SLC7A8: variants seen among roughly 807,000 people sequenced by gnomAD.
The protein encoded by SLC7A8 is large neutral amino acids transporter small subunit 2.
Under a neutral mutation model 51.2 loss-of-function variants are expected in SLC7A8, and 30 were observed. The ratio of observed to expected loss-of-function variants is 0.59; its 90% CI spans 0.44 to 0.80. SLC7A8 has a LOEUF of 0.80. SLC7A8 is among the 30% of genes least tolerant of loss of function. SLC7A8 has a pLI of 0.00. For synonymous variants in SLC7A8, 257 were observed against 275.8 expected, an observed-to-expected ratio of 0.93 and a Z score of 0.67; for missense variants, 612 against 674.4, an observed-to-expected ratio of 0.91 and a Z score of 1.03.
chr14:23,180,185 T>C (rs8017084), intron 1 of SLC7A8, among the ~76,000 whole-genome samples: 149,368 of 152,124 alleles, frequency 0.98, 73,383 homozygotes, highest in Middle Eastern at 1. Flanking sequence ...GGATTACAGG[T>C]GTGAGCCACC....
Position 23,127,329 on chromosome 14 carries a change from C to T in SLC7A8, c.1456G>A (p.Val486Met), listed in dbSNP as rs1189252339. The change falls in exon 11 of 11, where the codon GTG becomes ATG. Residue 486 changes from valine (V) to methionine (M), a missense_variant. By Grantham distance (21) the Val-to-Met change is conservative. Transcript: ENST00000316902. ...ACGACCACACACATCTTCTGGCTCA[C>T]CAGGGTTAGCAGCTCTGTAGGAAGA... The part of the protein sequence containing the change: ...FSDFIELLTL[V>M]SQKMCVVVYP... 1 of 1,613,946 alleles carries T rather than the reference C, an allele frequency of 6.2e-7. No individual in the cohort carries two copies. The highest frequency in any genetic ancestry group is 1.3e-5 in the African/African-American group (1 of 74,934).
At chr14:23,143,586 T>C (rs1222286943) in intron 3 of SLC7A8, among the ~76,000 whole-genome samples, 1 of 152,226 alleles carries the variant, frequency 6.6e-6, no homozygotes, top group African/African-American at 2.4e-5. Context: ...GCCACCTTCC[T>C]GAGCCTGATT....
chr14:23,136,568 G>C (rs567676728), intron 7 of SLC7A8, among the ~76,000 whole-genome samples: 1 of 152,312 alleles, frequency 6.6e-6, no homozygotes, highest in African/African-American at 2.4e-5. Context: ...GAGAGATAAA[G>C]AAGGAGGGAA....
intron 3 of SLC7A8, among the ~76,000 whole-genome samples, chr14:23,161,148 G>T (rs1403088680): frequency 6.6e-6 from 1 of 151,912 alleles, no homozygotes; most frequent in Non-Finnish European, 1.5e-5. Context: ...GATCCGGCAG[G>T]CAAGCCAGTT....
rs542497334 is a variant in SLC7A8 at position 23,136,739 on chromosome 14, G to A, written c.1016+1182C>T. Among the ~76,000 whole-genome samples, 218 of 152,302 alleles carry A rather than the reference G, an allele frequency of 1.4e-3. 1 individual carries two copies. The highest frequency in any genetic ancestry group is 3.9e-4 in the East Asian group (2 of 5,174). ...GCAGACCGCTGCTAGGCCTGCCTGA[G>A]GGACAAACCCCACTCTAAAGTGACT... On this transcript the variant is annotated intron_variant, in intron 7 of 10. Coordinates refer to ENST00000316902, the MANE Select transcript of SLC7A8 (RefSeq NM_012244.4).
At chr14:23,170,197 T>C (rs924618746) in intron 1 of SLC7A8, among the ~76,000 whole-genome samples, 1 of 152,226 alleles carries the variant, frequency 6.6e-6, no homozygotes, top group African/African-American at 2.4e-5. Flanking sequence ...ATCAAAGTCA[T>C]GCACTGCATA....
At position 23,179,263 on chromosome 14, in the gene SLC7A8, TTC is replaced by T. The variant is rs1378796231; in HGVS notation, c.151+3499_151+3500del. On this transcript the variant is annotated intron_variant, in intron 1 of 10. Transcript: ENST00000316902. ...TAAACCATGTCATTAATTTTGAATG[TTC>T]TCTGTTTAGTACATATGCATCTCAT... 4.6e-5 allele frequency among the ~76,000 whole-genome samples: 7 copies of T among 152,186 alleles called. No individual in the cohort carries two copies. In the East Asian group the frequency reaches 1.3e-3, roughly 29 times the overall value.
intron 7 of SLC7A8, among the ~76,000 whole-genome samples, chr14:23,133,229 G>C (rs1300267729): frequency 6.6e-6 from 1 of 152,120 alleles, no homozygotes; most frequent in Admixed American, 6.5e-5. Context: ...TTTGAGCCCG[G>C]AAGTTTGAGG....
At position 23,165,286 on chromosome 14, in the gene SLC7A8, T is replaced by G; in HGVS notation, c.507A>C (p.Leu169Phe). 6.2e-7 allele frequency: 1 copy of G among 1,609,458 alleles called. No homozygotes were observed. Among genetic ancestry groups the G allele is most frequent in the Non-Finnish European group, 8.5e-7 (1 of 1,178,166 alleles). ...SGLRLLAAICLLLLTWVNCSS... is the reference protein window; with the variant it reads ...SGLRLLAAICFLLLTWVNCSS... ...TACCAAGACCCAGATGACACTTACATAAGCAGATGGCAGCCAGGAGCCGAA... is the reference window on the plus strand; with the variant it reads ...TACCAAGACCCAGATGACACTTACAGAAGCAGATGGCAGCCAGGAGCCGAA... The change falls in exon 3 of 11, where the codon TTA (leucine) becomes TTC (phenylalanine). Residue 169 changes from leucine to phenylalanine, a missense_variant and splice_region_variant. Coordinates refer to ENST00000316902, the MANE Select transcript of SLC7A8 (RefSeq NM_012244.4). This position sits in a 1 kb window ranked among gnomAD's most constrained non-coding sequence, Gnocchi z 4.2.
chr14:23,173,828 G>T (rs1036009575), intron 1 of SLC7A8, among the ~76,000 whole-genome samples: 3 of 151,204 alleles, frequency 2.0e-5, no homozygotes, highest in Non-Finnish European at 2.9e-5. Flanking sequence ...TTTTGTAGAG[G>T]CAGGGTCCCA....
chr14:23,134,766 T>G (rs1293586172), intron 7 of SLC7A8, among the ~76,000 whole-genome samples: 1 of 152,210 alleles, frequency 6.6e-6, no homozygotes. Context: ...ATTGTAGATT[T>G]GCATTCAGTG....
At chr14:23,158,811 A>G (rs1242939446) in intron 3 of SLC7A8, among the ~76,000 whole-genome samples, 1 of 152,018 alleles carries the variant, frequency 6.6e-6, no homozygotes, top group Non-Finnish European at 1.5e-5. Flanking sequence ...TCATCTCTCC[A>G]TCCTTGTTAC....
intron 1 of SLC7A8, among the ~76,000 whole-genome samples, chr14:23,167,884 G>A (rs149589221): frequency 1.6e-3 from 241 of 152,210 alleles, no homozygotes; most frequent in Admixed American, 3.4e-3. Context: ...AAGGTGCTAC[G>A]CTCAGCTTTT....
At chr14:23,167,223 T>C (rs896097073) in intron 1 of SLC7A8, among the ~76,000 whole-genome samples, 7 of 152,180 alleles carry the variant, frequency 4.6e-5, no homozygotes, top group Admixed American at 4.6e-4. Flanking sequence ...TGTGTAGGAA[T>C]GCAATACATA....
At chr14:23,180,890 G>T (rs563695002) in intron 1 of SLC7A8, among the ~76,000 whole-genome samples, 56 of 152,278 alleles carry the variant, frequency 3.7e-4, no homozygotes, top group African/African-American at 1.3e-3. Context: ...AGCAGGGCGT[G>T]GTGGTGGGCG....
chr14:23,127,465 G>T, intron 10 of SLC7A8, 122 bp from the exon 11 acceptor site: 2 of 1,164,402 alleles, frequency 1.7e-6, no homozygotes, highest in Non-Finnish European at 2.4e-6. Context: ...CAGTCAGTGC[G>T]TTGAAGAGAA....
At chr14:23,163,098 C>T (rs935849851) in intron 3 of SLC7A8, among the ~76,000 whole-genome samples, 1 of 152,218 alleles carries the variant, frequency 6.6e-6, no homozygotes, top group Non-Finnish European at 1.5e-5. Context: ...TCCCCGCTCC[C>T]CATCTCAACT....
At position 23,165,228 on chromosome 14, in the gene SLC7A8, T is replaced by C. The variant is rs1594837901; in HGVS notation, c.508+57A>G. 2.8e-6 allele frequency: 4 copies of C among 1,434,346 alleles called. No individual in the cohort carries two copies. In the East Asian group the frequency reaches 1.1e-4, roughly 39 times the overall value. 88.9% of individuals were successfully genotyped at this position (1,434,346 alleles called of 1,614,324 possible). A position where few individuals can be genotyped will look rare whatever the true frequency, so the allele number is the denominator to read the frequency against. On this transcript the variant is annotated intron_variant, in intron 3 of 10. Transcript: ENST00000316902. This position sits in a 1 kb window ranked among gnomAD's most constrained non-coding sequence, Gnocchi z 4.2. ...GTGAAGACTCTGTTTCTAAAAATAATAATAATAAATATAATAAAAGAGGCT... is the reference window on the plus strand; with the variant it reads ...GTGAAGACTCTGTTTCTAAAAATAACAATAATAAATATAATAAAAGAGGCT...
intron 1 of SLC7A8, among the ~76,000 whole-genome samples, chr14:23,179,820 G>A (rs1594843617): frequency 6.6e-6 from 1 of 151,340 alleles, no homozygotes; most frequent in Non-Finnish European, 1.5e-5. Flanking sequence ...AGAAAAAAAA[G>A]AAAGAAAGAA....
Sources: allele counts gnomAD v4.1 joint callset (sites outside exome capture counted in the v4.1 genomes callset), GRCh38; gene constraint gnomAD v4.1.1; non-coding constraint Gnocchi (gnomAD v3.1); transcripts MANE v1.5; gene names NCBI Gene and HGNC (gene_info 2026-07-23, HGNC 2026-07-21).